Variants in UMAD1 observed in about 807,000 individuals in gnomAD.
UMAD1 encodes UBAP1-MVB12-associated (UMA) domain containing 1.
A neutral mutation model predicts 6.1 loss-of-function variants in UMAD1; 8 were observed. That is an observed-to-expected ratio of 1.30 (90% CI 0.76 to 2.35). The LOEUF (loss-of-function observed/expected upper bound fraction) is 2.35, where lower values mean the gene tolerates loss of function less well. Among genes scored for constraint, UMAD1 ranks in the 30% most tolerant of loss-of-function variants. UMAD1 has a pLI of 0.00. For synonymous variants in UMAD1, 56 were observed against 31.4 expected (o/e 1.78, Z -2.61); for missense variants, 130 against 78.4 (o/e 1.66, Z -2.49).
At chr7:7,698,734 C>T (rs1780376907) in intron 2 of UMAD1, among the ~76,000 whole-genome samples, 1 of 152,024 alleles carries the variant, frequency 6.6e-6, no homozygotes, top group Admixed American at 6.6e-5. Context: ...TGCTCCACTT[C>T]TTTAATGACT....
At chr7:7,751,938 G>A (rs73673806) in intron 2 of UMAD1, among the ~76,000 whole-genome samples, 11,375 of 152,136 alleles carry the variant, frequency 0.075, 527 homozygotes, top group African/African-American at 0.12. Flanking sequence ...ATGATCACAG[G>A]CATTTATCAG....
At chr7:7,765,773 T>C (rs534656024) in intron 2 of UMAD1, among the ~76,000 whole-genome samples, 1 of 152,226 alleles carries the variant, frequency 6.6e-6, no homozygotes, top group Non-Finnish European at 1.5e-5. Flanking sequence ...GGATACAGTA[T>C]GCTAAGCAAG....
At chr7:7,743,444 A>T (rs1034091784) in intron 2 of UMAD1, among the ~76,000 whole-genome samples, 1 of 152,138 alleles carries the variant, frequency 6.6e-6, no homozygotes, top group African/African-American at 2.4e-5. Flanking sequence ...AAATTATAAC[A>T]TTGAAAACAG....
chr7:7,806,682 A>T (rs999516672), intron 3 of UMAD1, among the ~76,000 whole-genome samples: 1 of 152,164 alleles, frequency 6.6e-6, no homozygotes, highest in Non-Finnish European at 1.5e-5. Context: ...GTTAATTTAC[A>T]TTATTTTTGG....
At chr7:7,698,257 G>C (rs541244501) in intron 2 of UMAD1, among the ~76,000 whole-genome samples, 1 of 152,334 alleles carries the variant, frequency 6.6e-6, no homozygotes, top group East Asian at 1.9e-4. Context: ...ATTTATTTCT[G>C]TGAGAAGATT....
chr7:7,825,241 T>G (rs1783317397), intron 3 of UMAD1, among the ~76,000 whole-genome samples: 1 of 152,142 alleles, frequency 6.6e-6, no homozygotes, highest in Non-Finnish European at 1.5e-5. Flanking sequence ...TGAAGTTAAT[T>G]AATAAGTCCA....
intron 1 of UMAD1, among the ~76,000 whole-genome samples, chr7:7,651,046 C>G (rs948470444): frequency 6.6e-6 from 1 of 152,032 alleles, no homozygotes; most frequent in Non-Finnish European, 1.5e-5. Flanking sequence ...CCCTCTGTAG[C>G]CAAAGAGAAA....
Position 7,846,086 on chromosome 7 carries a change from G to A in UMAD1, c.157-31195G>A, listed in dbSNP as rs961901498. Among the ~76,000 whole-genome samples, 6 of 152,094 alleles carry A rather than the reference G, an allele frequency of 3.9e-5. No individual in the cohort carries two copies. In the East Asian group the frequency reaches 7.7e-4, roughly 20 times the overall value. On this transcript the variant is annotated intron_variant, in intron 3 of 3. Coordinates refer to ENST00000682710, the MANE Select transcript of UMAD1 (RefSeq NM_001302348.2). ...GTTCTTAAGAACAGTGTCGAGTAGT[G>A]CTGCGTGATGTATGAACTGTGACCT... is the stretch of plus-strand genomic sequence containing the variant.
intron 2 of UMAD1, among the ~76,000 whole-genome samples, chr7:7,730,082 C>T (rs746075241): frequency 3.3e-5 from 5 of 152,204 alleles, no homozygotes; most frequent in African/African-American, 1.2e-4. Flanking sequence ...CTTGCTCCTA[C>T]ACTATTAAGC....
intron 2 of UMAD1, among the ~76,000 whole-genome samples, chr7:7,778,269 T>TGAGA (rs1356098717): frequency 9.0e-6 from 1 of 111,614 alleles, no homozygotes; most frequent in African/African-American, 3.4e-5. Flanking sequence ...TGTGTGTGTG[T>TGAGA]GTGTGTGAGA....
intron 3 of UMAD1, among the ~76,000 whole-genome samples, chr7:7,829,858 T>A (rs991036781): frequency 6.6e-6 from 1 of 152,186 alleles, no homozygotes; most frequent in African/African-American, 2.4e-5. Context: ...CATGTGTGAC[T>A]GACTCATCTC....
intron 3 of UMAD1, among the ~76,000 whole-genome samples, chr7:7,824,194 T>G (rs1028273266): frequency 2.0e-5 from 3 of 152,120 alleles, no homozygotes; most frequent in Non-Finnish European, 4.4e-5. Flanking sequence ...TTACTAAGGC[T>G]TCCCAGGTGA....
chr7:7,714,330 C>T (rs1177706493), intron 2 of UMAD1, among the ~76,000 whole-genome samples: 1 of 152,168 alleles, frequency 6.6e-6, no homozygotes, highest in African/African-American at 2.4e-5. Flanking sequence ...TTTGGCTGCT[C>T]CAGCAGAGTG....
At chr7:7,791,079 G>A (rs1320986765) in intron 2 of UMAD1, among the ~76,000 whole-genome samples, 1 of 152,120 alleles carries the variant, frequency 6.6e-6, no homozygotes, top group African/African-American at 2.4e-5. Context: ...GTAGACATGG[G>A]GTTTCACCAT....
chr7:7,746,016 A>G (rs907939033), intron 2 of UMAD1, among the ~76,000 whole-genome samples: 7 of 152,170 alleles, frequency 4.6e-5, no homozygotes, highest in Admixed American at 4.6e-4. Flanking sequence ...GACTACAGGC[A>G]TGTGGCACCA....
At chr7:7,755,018 T>C (rs1732777065) in intron 2 of UMAD1, among the ~76,000 whole-genome samples, 1 of 152,174 alleles carries the variant, frequency 6.6e-6, no homozygotes, top group Admixed American at 6.5e-5. Flanking sequence ...TTAATTTAAG[T>C]GTAAGTGAGA....
At chr7:7,643,833 C>G (rs2115543365) in intron 1 of UMAD1, among the ~76,000 whole-genome samples, 1 of 152,088 alleles carries the variant, frequency 6.6e-6, no homozygotes, top group Non-Finnish European at 1.5e-5. Context: ...TTCCTTTCTT[C>G]CTGTTTTAAG....
intron 1 of UMAD1, chr7:7,641,083 T>C (rs1341194130): frequency 6.6e-6 from 1 of 152,536 alleles, no homozygotes; most frequent in East Asian, 1.9e-4. Context: ...TCATCAGTGA[T>C]CTTGATCACT....
intron 1 of UMAD1, among the ~76,000 whole-genome samples, chr7:7,652,832 T>A (rs1019797136): frequency 2.0e-5 from 3 of 152,230 alleles, no homozygotes; most frequent in African/African-American, 7.2e-5. Context: ...CAGGCTATAT[T>A]GAAAGTCAAA....
Sources: gnomAD v4.1 joint callset for allele counts (sites outside exome capture counted in the v4.1 genomes callset) on GRCh38, gnomAD v4.1.1 for gene constraint, MANE v1.5 for transcripts, NCBI Gene and HGNC (gene_info 2026-07-23, HGNC 2026-07-21) for gene names.